EPN2: variants seen among roughly 807,000 people sequenced by gnomAD.
The protein encoded by EPN2 is epsin-2.
In EPN2, 34 loss-of-function variants were observed where a neutral mutation model predicts 61.7. The observed-to-expected ratio is 0.55, with a 90% confidence interval of 0.42 to 0.73. EPN2 has a LOEUF of 0.73. Ranked by LOEUF, EPN2 falls within the 30% of genes least tolerant of loss-of-function variation. The pLI is 0.00. For synonymous variants in EPN2, 349 were observed against 353.6 expected, an observed-to-expected ratio of 0.99 and a Z score of 0.15; for missense variants, 714 against 839.2, an observed-to-expected ratio of 0.85 and a Z score of 1.84.
chr17:19,272,743 G>A (rs376216428), intron 1 of EPN2, among the ~76,000 whole-genome samples: 3 of 152,322 alleles, frequency 2.0e-5, no homozygotes, highest in East Asian at 3.9e-4. Flanking sequence ...AGGTAGGGGA[G>A]CATTCAACAA....
At chr17:19,301,487 A>C (rs1480951489) in intron 4 of EPN2, among the ~76,000 whole-genome samples, 1 of 152,118 alleles carries the variant, frequency 6.6e-6, no homozygotes, top group Admixed American at 6.5e-5. Flanking sequence ...ATCCCAATTA[A>C]ATGTGTCCAG....
intron 4 of EPN2, among the ~76,000 whole-genome samples, chr17:19,300,827 C>G (rs183211812): frequency 6.6e-6 from 1 of 152,282 alleles, no homozygotes; most frequent in Non-Finnish European, 1.5e-5. Context: ...TCCACATCCA[C>G]CAAGTGCTCC....
intron 4 of EPN2, among the ~76,000 whole-genome samples, chr17:19,304,942 T>C (rs1316542157): frequency 6.6e-6 from 1 of 152,138 alleles, no homozygotes; most frequent in Non-Finnish European, 1.5e-5. Context: ...GACATGCCTG[T>C]GTACCCAGCA....
intron 1 of EPN2, among the ~76,000 whole-genome samples, chr17:19,243,106 GC>G (rs2044903079): frequency 6.6e-6 from 1 of 152,152 alleles, no homozygotes; most frequent in Non-Finnish European, 1.5e-5. Flanking sequence ...AAATAGACTA[GC>G]CTTGTTTCTC....
chr17:19,253,942 G>A (rs1304977419), intron 1 of EPN2, among the ~76,000 whole-genome samples: 1 of 152,002 alleles, frequency 6.6e-6, no homozygotes, highest in Non-Finnish European at 1.5e-5. Context: ...GACCAGCTTG[G>A]CCAACATGGT....
intron 4 of EPN2, among the ~76,000 whole-genome samples, chr17:19,297,533 G>GT: frequency 6.6e-6 from 1 of 152,362 alleles, no homozygotes; most frequent in African/African-American, 2.4e-5. Context: ...CTGAGACCTT[G>GT]TTTTTGGTGG....
chr17:19,280,584 C>T (rs1380886326), intron 1 of EPN2, among the ~76,000 whole-genome samples: 1 of 152,184 alleles, frequency 6.6e-6, no homozygotes, highest in African/African-American at 2.4e-5. Context: ...CCTCCTTGGC[C>T]AGAGCAGATG....
intron 7 of EPN2, among the ~76,000 whole-genome samples, chr17:19,321,378 G>GATT (rs1906629401): frequency 1.3e-5 from 2 of 152,188 alleles, no homozygotes; most frequent in African/African-American, 4.8e-5. Flanking sequence ...AGAGAGAGTG[G>GATT]ATTTCTCTGT....
chr17:19,238,002 G>T (rs1443062556), intron 1 of EPN2, among the ~76,000 whole-genome samples: 1 of 152,200 alleles, frequency 6.6e-6, no homozygotes, highest in Non-Finnish European at 1.5e-5. Context: ...CGGTCCGGGC[G>T]CCCTCCGGGA....
chr17:19,321,469 AC>A (rs1383328704), intron 7 of EPN2, among the ~76,000 whole-genome samples: 1 of 151,966 alleles, frequency 6.6e-6, no homozygotes. Flanking sequence ...ACCAGTGAGA[AC>A]CCTTTTCTGT....
At chr17:19,245,724 G>A (rs539585328) in intron 1 of EPN2, among the ~76,000 whole-genome samples, 5 of 150,768 alleles carry the variant, frequency 3.3e-5, no homozygotes, top group Admixed American at 6.6e-5. Flanking sequence ...GTGCAATGGC[G>A]CGATCTCGGC....
intron 10 of EPN2, among the ~76,000 whole-genome samples, chr17:19,332,338 C>A (rs186535265): frequency 1.4e-4 from 21 of 152,250 alleles, no homozygotes; most frequent in Non-Finnish European, 2.2e-4. Flanking sequence ...GGTGCCCCCC[C>A]AGTTGTGAGA....
chr17:19,248,704 T>G (rs2044979918), intron 1 of EPN2, among the ~76,000 whole-genome samples: 1 of 152,234 alleles, frequency 6.6e-6, no homozygotes, highest in African/African-American at 2.4e-5. Context: ...TTATGTGCTG[T>G]TGGCTGGGAA....
intron 4 of EPN2, chr17:19,296,522 A>G (rs936646570): frequency 5.9e-5 from 9 of 152,210 alleles, no homozygotes; most frequent in Non-Finnish European, 1.2e-4. Context: ...CAAAAAAAAT[A>G]GAAATAGAAA....
intron 1 of EPN2, among the ~76,000 whole-genome samples, chr17:19,260,289 A>T (rs2045127006): frequency 6.6e-6 from 1 of 152,204 alleles, no homozygotes; most frequent in African/African-American, 2.4e-5. Flanking sequence ...GAGGGCCAGG[A>T]GGAAGGAAAC....
chr17:19,275,120 A>G lies in EPN2; in HGVS notation c.-293-6835A>G, dbSNP rs562015897. On this transcript the variant is annotated intron_variant, in intron 1 of 10. Transcript: ENST00000314728. Reference sequence around the variant, plus strand: ...TGCCGAGCCCTCCTGGGGAGGATGCAGTTCTTCCTTGGTCAGTCTTGGGTT... The same window carrying G: ...TGCCGAGCCCTCCTGGGGAGGATGCGGTTCTTCCTTGGTCAGTCTTGGGTT... 2.6e-5 allele frequency among the ~76,000 whole-genome samples: 4 copies of G among 152,258 alleles called. No homozygotes were observed. The East Asian group carries it at 7.7e-4, about 29-fold the overall frequency.
chr17:19,252,896 T>G (rs1179569010), intron 1 of EPN2, among the ~76,000 whole-genome samples: 1 of 152,166 alleles, frequency 6.6e-6, no homozygotes, highest in Admixed American at 6.5e-5. Flanking sequence ...TCACCATGTT[T>G]CCCTGCTCCA....
chr17:19,295,356 A>ACG (rs1355330075), intron 4 of EPN2, among the ~76,000 whole-genome samples: 14 of 66,562 alleles, frequency 2.1e-4, no homozygotes, highest in East Asian at 1.2e-3. Context: ...ACACACACAC[A>ACG]CACACACACA....
chr17:19,239,331 T>A (rs778085121), intron 1 of EPN2, among the ~76,000 whole-genome samples: 3 of 152,160 alleles, frequency 2.0e-5, no homozygotes, highest in Non-Finnish European at 4.4e-5. Flanking sequence ...TTTGTATTTT[T>A]AGTAGAGACG....
Sources: gnomAD v4.1 joint callset for allele counts (sites outside exome capture counted in the v4.1 genomes callset) on GRCh38, gnomAD v4.1.1 for gene constraint, MANE v1.5 for transcripts, NCBI Gene and HGNC (gene_info 2026-07-23, HGNC 2026-07-21) for gene names.